Variants in ATP6V0E2 observed in about 807,000 individuals in gnomAD.
ATP6V0E2 encodes the protein V-type proton ATPase subunit e 2.
Under a neutral mutation model 11.5 loss-of-function variants are expected in ATP6V0E2, and 4 were observed. That is an observed-to-expected ratio of 0.35 (90% CI 0.17 to 0.80). The LOEUF (loss-of-function observed/expected upper bound fraction) is 0.80. Among genes scored for constraint, ATP6V0E2 ranks in the 30% least tolerant of loss-of-function variants. The pLI, the probability that ATP6V0E2 is intolerant of heterozygous loss-of-function variation, is 0.53. For missense variants in ATP6V0E2, 93 were observed against 113.5 expected, an observed-to-expected ratio of 0.82 and a Z score of 0.82; for synonymous variants, 52 against 51.0, an observed-to-expected ratio of 1.02 and a Z score of -0.09.
chr7:149,878,816 TG>T, intron 3 of ATP6V0E2, 26 bp downstream of exon 3: 2 of 1,603,708 alleles, frequency 1.2e-6, no homozygotes. Flanking sequence ...GGGGTGTGGG[TG>T]GGGAAGAGGG....
Position 149,879,128 on chromosome 7 carries a change from A to C in ATP6V0E2, c.*20-207A>C, listed in dbSNP as rs542318266. The C allele has an allele frequency of 1.9e-5, 27 of 1,397,700 alleles. No homozygotes were observed. The East Asian group carries it at 7.4e-4, about 38-fold the overall frequency. The allele number at this position is 1,397,700 out of a possible 1,614,324, so 86.6% of individuals were successfully genotyped here. On this transcript the variant is annotated intron_variant, in intron 3 of 3. Coordinates refer to ENST00000425642, the MANE Select transcript of ATP6V0E2 (RefSeq NM_145230.4). ...TGTTGGCCGCCAGGGATGAAATGGG[A>C]ACCATGCTCCCAGCACCCCCCTCCC...
At position 149,878,625 on chromosome 7, in the gene ATP6V0E2, G is replaced by A. The variant is rs1194396552; in HGVS notation, c.153-53G>A. 3.2e-6 allele frequency: 5 copies of A among 1,540,602 alleles called. No homozygotes were observed. In the Admixed American group the frequency reaches 8.7e-5, roughly 27 times the overall value. On this transcript the variant is annotated intron_variant, in intron 2 of 3. Coordinates refer to ENST00000425642, the MANE Select transcript of ATP6V0E2 (RefSeq NM_145230.4). ...ATAATATGACCGAGGCCTCCCCTGG[G>A]TGTGGGAGGACCCTCCTGTGCCAGG...
intron 1 of ATP6V0E2, chr7:149,874,826 A>C (rs1431828275): frequency 6.5e-6 from 1 of 153,244 alleles, no homozygotes. Flanking sequence ...GTAATGTTGA[A>C]AAAGGGATCG....
In ATP6V0E2 at chr7:149,874,140, C is replaced by G; in HGVS notation, c.75C>G (p.Pro25=). 6.5e-7 allele frequency: 1 copy of G among 1,549,802 alleles called. No individual in the cohort carries two copies. Among genetic ancestry groups the G allele is most frequent in the Non-Finnish European group, 8.7e-7 (1 of 1,146,542 alleles). The part of the protein sequence containing the change: ...TFWGLVGIAG[P]WFVPKGPNRG... ...GGGGCCTCGTCGGCATCGCCGGGCC[C>G]TGGTTCGTGCCGAAGGGACCCAACC... The change falls in exon 1 of 4, where the codon CCC becomes CCG. Residue 25 remains proline (P), a synonymous_variant. Coordinates refer to ENST00000425642, the MANE Select transcript of ATP6V0E2 (RefSeq NM_145230.4).
chr7:149,874,233 C>T, intron 1 of ATP6V0E2, 64 bp downstream of exon 1: 1 of 1,483,736 alleles, frequency 6.7e-7, no homozygotes, highest in Non-Finnish European at 9.0e-7. Context: ...GCTCGCCCCT[C>T]CGCCCCGGGG....
At chr7:149,878,328 A>G (rs1405290756) in intron 2 of ATP6V0E2, among the ~76,000 whole-genome samples, 3 of 152,074 alleles carry the variant, frequency 2.0e-5, no homozygotes, top group Admixed American at 6.5e-5. Flanking sequence ...TCCCTGGTGC[A>G]TGGAGCCGGG....
chr7:149,873,940 C>T (rs1324686892), upstream of ATP6V0E2: 5 of 1,539,772 alleles, frequency 3.2e-6, no homozygotes, highest in African/African-American at 1.4e-5. Context: ...CGGCCCGGCC[C>T]GGCTGATCGC....
chr7:149,879,046 C>A, intron 3 of ATP6V0E2: 1 of 1,353,298 alleles, frequency 7.4e-7, no homozygotes, highest in Non-Finnish European at 9.7e-7. Flanking sequence ...CTATTTATTT[C>A]ATGAAAAGAA....
At chr7:149,873,801 C>A, upstream of ATP6V0E2, 1 of 1,388,958 alleles carries the variant, frequency 7.2e-7, no homozygotes, top group Non-Finnish European at 9.4e-7. Flanking sequence ...ATCGCCGAAA[C>A]CGGGCGGCCG....
intron 2 of ATP6V0E2, among the ~76,000 whole-genome samples, chr7:149,878,251 G>C (rs1249328731): frequency 6.6e-6 from 1 of 152,192 alleles, no homozygotes; most frequent in African/African-American, 2.4e-5. Flanking sequence ...TCACGTCTTG[G>C]GGTAGTTCCT....
intron 2 of ATP6V0E2, among the ~76,000 whole-genome samples, chr7:149,876,340 C>A (rs1803137912): frequency 6.6e-6 from 1 of 152,146 alleles, no homozygotes; most frequent in Non-Finnish European, 1.5e-5. Context: ...CTTACCACTG[C>A]ACTCCAGCCT....
chr7:149,873,673 C>T (rs974315485), upstream of ATP6V0E2: 10 of 444,558 alleles, frequency 2.2e-5, no homozygotes, highest in African/African-American at 1.0e-4. Context: ...GCGTGAAGGG[C>T]AGGGGACGCC....
rs1335810015 is a variant in ATP6V0E2, at chr7:149,878,752, T to C, written c.227T>C (p.Val76Ala). ...CTGAAGAATGAGACCATCTGGTACG[T>C]GCGCTTCCTGTGGGAGTGACCCGCC... is the stretch of plus-strand genomic sequence containing the variant. ...PQLKNETIWY[V>A]RFLWE The change falls in exon 3 of 4, where the codon GTG becomes GCG. Residue 76 changes from valine to alanine, a missense_variant. Physicochemically the swap from Val to Ala is moderately conservative, Grantham distance 64. Coordinates refer to ENST00000425642, the MANE Select transcript of ATP6V0E2 (RefSeq NM_145230.4). 6.2e-7 allele frequency: 1 copy of C among 1,613,190 alleles called. No homozygotes were observed. Among genetic ancestry groups the C allele is most frequent in the Middle Eastern group, 1.7e-4 (1 of 6,058 alleles).
chr7:149,874,051 A>G lies in ATP6V0E2; in HGVS notation c.-15A>G. 6.5e-7 allele frequency: 1 copy of G among 1,549,822 alleles called. No individual in the cohort carries two copies. Reference sequence around the variant, plus strand: ...GCTCGGCCCTGCATCCTGCCTGGGCATCCTGCGCCCGGCCATGACGGCGCA... The same window carrying G: ...GCTCGGCCCTGCATCCTGCCTGGGCGTCCTGCGCCCGGCCATGACGGCGCA... On this transcript the variant is annotated 5_prime_UTR_variant, in exon 1 of 4. Coordinates refer to ENST00000425642, the MANE Select transcript of ATP6V0E2 (RefSeq NM_145230.4).
chr7:149,875,485 A>T, intron 1 of ATP6V0E2, 113 bp from the exon 2 acceptor site: 1 of 1,024,494 alleles, frequency 9.8e-7, no homozygotes. Context: ...AGGAGGCATC[A>T]GGAAGGCCAA....
intron 2 of ATP6V0E2, chr7:149,876,086 C>CT: frequency 2.2e-6 from 1 of 459,060 alleles, no homozygotes; most frequent in South Asian, 1.5e-5. Context: ...CTTAGAACCA[C>CT]TAGGTGAGAG....
At position 149,873,989 on chromosome 7, in the gene ATP6V0E2, T is replaced by G; in HGVS notation, c.-77T>G. The G allele has an allele frequency of 6.5e-7, 1 of 1,544,802 alleles. No homozygotes were observed. The highest frequency in any genetic ancestry group is 8.7e-7 in the Non-Finnish European group (1 of 1,145,698). Reference sequence around the variant, plus strand: ...CTCCTGTTGCGCATGCTCAGCGCGCTGCCCGGCTGGGGACCCGCGCACCTG... The same window carrying G: ...CTCCTGTTGCGCATGCTCAGCGCGCGGCCCGGCTGGGGACCCGCGCACCTG... On this transcript the variant is annotated 5_prime_UTR_variant, in exon 1 of 4. Transcript: ENST00000425642.
At chr7:149,875,764 C>T in intron 2 of ATP6V0E2, 119 bp downstream of exon 2, 1 of 983,714 alleles carries the variant, frequency 1.0e-6, no homozygotes, top group Non-Finnish European at 1.6e-6. Context: ...AAAGGCTGAA[C>T]CTATAAAACA....
Position 149,879,322 on chromosome 7 carries a change from A to T in ATP6V0E2, c.*20-13A>T. 1 of 1,515,130 alleles carries T rather than the reference A, an allele frequency of 6.6e-7. No individual in the cohort carries two copies. Among genetic ancestry groups the T allele is most frequent in the Non-Finnish European group, 8.9e-7 (1 of 1,128,502 alleles). 93.9% of individuals were successfully genotyped at this position (1,515,130 alleles called of 1,614,324 possible). A position where few individuals can be genotyped will look rare whatever the true frequency, so the allele number is the denominator to read the frequency against. Reference sequence around the variant, plus strand: ...TGCAAGGCCGGGACCCTTCCATGTGATGTGCTTTTCAGGTGCCCAGCTCTC... The same window carrying T: ...TGCAAGGCCGGGACCCTTCCATGTGTTGTGCTTTTCAGGTGCCCAGCTCTC... On this transcript the variant is annotated splice_polypyrimidine_tract_variant and intron_variant, in intron 3 of 3. Transcript: ENST00000425642.
Sources: gnomAD v4.1 joint callset for allele counts (sites outside exome capture counted in the v4.1 genomes callset) on GRCh38, gnomAD v4.1.1 for gene constraint, MANE v1.5 for transcripts, NCBI Gene and HGNC (gene_info 2026-07-23, HGNC 2026-07-21) for gene names.